The following TEX11 variants were observed in gnomAD, a reference collection of about 807,000 sequenced individuals.
TEX11 encodes testis-expressed protein 11.
Under a neutral mutation model 84.4 loss-of-function variants are expected in TEX11, and 7 were observed. The ratio of observed to expected loss-of-function variants is 0.08; its 90% CI spans 0.05 to 0.16. The LOEUF (loss-of-function observed/expected upper bound fraction) is 0.16. TEX11 is among the 10% of genes least tolerant of loss of function. TEX11 has a pLI of 1.00. For synonymous variants in TEX11, 264 were observed against 222.8 expected, an observed-to-expected ratio of 1.18 and a Z score of -1.64; for missense variants, 551 against 660.5, an observed-to-expected ratio of 0.83 and a Z score of 1.82.
intron 9 of TEX11, among the ~76,000 whole-genome samples, chrX:70,745,408 T>G (rs150988827): frequency 8.3e-4 from 91 of 110,100 alleles, no homozygotes; most frequent in African/African-American, 2.8e-3. Flanking sequence ...TGAACTAACT[T>G]GAAGACAATA....
intron 8 of TEX11, 87 bp from the exon 9 acceptor site, chrX:70,806,877 G>A (rs1252352179): frequency 1.5e-5 from 9 of 583,957 alleles, no homozygotes; most frequent in Middle Eastern, 3.6e-4. Flanking sequence ...GAGCCATGAC[G>A]GTGCCACATC....
At chrX:70,778,521 C>G (rs1249797578) in intron 9 of TEX11, among the ~76,000 whole-genome samples, 1 of 111,566 alleles carries the variant, frequency 9.0e-6, no homozygotes, top group Non-Finnish European at 1.9e-5. Context: ...CTGACACTAT[C>G]ATAGCTCACT....
At chrX:70,766,493 A>G (rs2090941500) in intron 9 of TEX11, among the ~76,000 whole-genome samples, 1 of 111,475 alleles carries the variant, frequency 9.0e-6, no homozygotes, top group Non-Finnish European at 1.9e-5. Flanking sequence ...CAAAAAGTGG[A>G]AAGATATTAC....
chrX:70,584,200 G>A (rs749793475), intron 25 of TEX11, among the ~76,000 whole-genome samples: 74 of 107,582 alleles, frequency 6.9e-4, no homozygotes, highest in African/African-American at 2.0e-3. Flanking sequence ...GGAGAATGGC[G>A]TGAACCCGGG....
intron 9 of TEX11, among the ~76,000 whole-genome samples, chrX:70,769,637 A>G (rs1326666234): frequency 8.9e-6 from 1 of 111,910 alleles, no homozygotes; most frequent in African/African-American, 3.2e-5. Context: ...CAACATGAGA[A>G]TCTGAGAATT....
rs764213138 is a variant in TEX11 at position 70,760,264 on chromosome X, T to C, written c.693-16045A>G. ...TCTTCACAGAATTGGAAAAAACTAC[T>C]TTAAAGTTTATATGGAACCAAAAAA... On this transcript the variant is annotated intron_variant, in intron 9 of 29. Coordinates refer to ENST00000374333, the MANE Select transcript of TEX11 (RefSeq NM_031276.3). Among the ~76,000 whole-genome samples the C allele has an allele frequency of 4.5e-5, 5 of 111,946 alleles. No individual in the cohort carries two copies. In the South Asian group the frequency reaches 1.5e-3, roughly 33 times the overall value.
chrX:70,580,158 T>A lies in TEX11; in HGVS notation c.2140+11593A>T, dbSNP rs180721288. Among the ~76,000 whole-genome samples, 209 of 112,203 alleles carry A rather than the reference T, an allele frequency of 1.9e-3. 1 individual carries two copies. Among genetic ancestry groups the A allele is most frequent in the Middle Eastern group, 0.014 (3 of 218 alleles). On this transcript the variant is annotated intron_variant, in intron 25 of 29. Coordinates refer to ENST00000374333, the MANE Select transcript of TEX11 (RefSeq NM_031276.3). The stretch of plus-strand genomic sequence containing the variant: ...TGAGATCTAGTCATTTGCAACAATA[T>A]GAATGGGACTGGAGGTCATTATGTT...
At chrX:70,719,612 A>C (rs2090538039) in intron 13 of TEX11, among the ~76,000 whole-genome samples, 1 of 112,034 alleles carries the variant, frequency 8.9e-6, no homozygotes, top group African/African-American at 3.2e-5. Flanking sequence ...AATTTTTGCA[A>C]TCTACTCATC....
At chrX:70,544,862 A>C (rs1305312915) in intron 28 of TEX11, among the ~76,000 whole-genome samples, 10 of 104,886 alleles carry the variant, frequency 9.5e-5, no homozygotes, top group Non-Finnish European at 1.2e-4. Flanking sequence ...AAAAAAACCC[A>C]AAAAAACAAA....
At chrX:70,857,696 T>C (rs1335973949) in intron 5 of TEX11, among the ~76,000 whole-genome samples, 1 of 112,111 alleles carries the variant, frequency 8.9e-6, no homozygotes, top group African/African-American at 3.2e-5. Context: ...ATGGCAAAAG[T>C]GAAAATCCTG....
At chrX:70,649,815 G>A (rs1364843392) in intron 17 of TEX11, among the ~76,000 whole-genome samples, 2 of 111,403 alleles carry the variant, frequency 1.8e-5, no homozygotes, top group Non-Finnish European at 3.8e-5. Context: ...GTAAAGAGAT[G>A]TTTTACAGCA....
intron 28 of TEX11, among the ~76,000 whole-genome samples, chrX:70,539,835 C>G (rs1433429956): frequency 9.0e-6 from 1 of 111,452 alleles, no homozygotes; most frequent in East Asian, 2.8e-4. Context: ...CTTTTTGCTT[C>G]ATATACCCCA....
At chrX:70,712,695 G>C (rs1160009086) in intron 13 of TEX11, among the ~76,000 whole-genome samples, 1 of 108,727 alleles carries the variant, frequency 9.2e-6, no homozygotes, top group Non-Finnish European at 1.9e-5. Flanking sequence ...TTTGGGCTGA[G>C]ATGATGGGGT....
intron 28 of TEX11, among the ~76,000 whole-genome samples, chrX:70,542,697 C>T (rs1254901755): frequency 9.0e-6 from 1 of 111,407 alleles, no homozygotes; most frequent in African/African-American, 3.3e-5. Context: ...GCCATTTTGC[C>T]AGTGTGTGGA....
intron 28 of TEX11, among the ~76,000 whole-genome samples, chrX:70,535,856 C>T (rs1569313146): frequency 9.1e-6 from 1 of 110,133 alleles, no homozygotes; most frequent in African/African-American, 3.3e-5. Flanking sequence ...AACCTCCCAC[C>T]TCGGCCTCCC....
At chrX:70,896,519 T>C in intron 2 of TEX11, among the ~76,000 whole-genome samples, 1 of 111,581 alleles carries the variant, frequency 9.0e-6, no homozygotes, top group Non-Finnish European at 1.9e-5. Flanking sequence ...CCATTAGTGA[T>C]TATACACCCA....
chrX:70,576,012 C>T (rs762646434), intron 25 of TEX11, among the ~76,000 whole-genome samples: 4 of 111,830 alleles, frequency 3.6e-5, no homozygotes, highest in Non-Finnish European at 5.6e-5. Context: ...TTGTTAGGGA[C>T]AGAGACAGTA....
intron 17 of TEX11, among the ~76,000 whole-genome samples, chrX:70,645,164 A>C (rs1454079669): frequency 1.8e-5 from 2 of 110,789 alleles, no homozygotes; most frequent in South Asian, 3.8e-4. Context: ...CTTCCATCTA[A>C]GAAAAGCTCA....
chrX:70,685,578 C>CA (rs1354861939), intron 13 of TEX11, among the ~76,000 whole-genome samples: 3 of 110,974 alleles, frequency 2.7e-5, no homozygotes, highest in Non-Finnish European at 3.8e-5. Context: ...AAAGCAAAGG[C>CA]AAAAAAAATT....
Sources: gnomAD v4.1 joint callset for allele counts (sites outside exome capture counted in the v4.1 genomes callset) on GRCh38, gnomAD v4.1.1 for gene constraint, MANE v1.5 for transcripts, NCBI Gene and HGNC (gene_info 2026-07-23, HGNC 2026-07-21) for gene names.